The following LPO variants were observed in gnomAD, a reference collection of about 807,000 sequenced individuals.
LPO encodes the protein lactoperoxidase.
Under a neutral mutation model 68.4 loss-of-function variants are expected in LPO, and 70 were observed. The observed-to-expected ratio is 1.02, with a 90% CI of 0.84 to 1.25. LPO has a LOEUF of 1.25. Among genes scored for constraint, LPO ranks in the 50% most tolerant of loss-of-function variants. The probability of loss-of-function intolerance (pLI) is 0.00; values close to 1 mark genes in which losing one functional copy is unlikely to be tolerated. For missense variants in LPO, 873 were observed against 908.4 expected (o/e 0.96, Z 0.50); for synonymous variants, 360 against 357.6 (o/e 1.01, Z -0.08).
intron 3 of LPO, among the ~76,000 whole-genome samples, chr17:58,244,725 G>A (rs1226067036): frequency 2.6e-5 from 4 of 152,218 alleles, no homozygotes; most frequent in Non-Finnish European, 5.9e-5. Flanking sequence ...AGGTGTTGTG[G>A]CACACCTGTG....
At position 58,250,429 on chromosome 17, in the gene LPO, T is replaced by A; in HGVS notation, c.588T>A (p.Ser196=). ...GFPLPLAREV[S]NKIVGYLNEE... ...TCCATCTGTAGGCCCGGGAGGTATCTAACAAGATTGTTGGCTATCTGAATG... is the reference window on the plus strand; with the variant it reads ...TCCATCTGTAGGCCCGGGAGGTATCAAACAAGATTGTTGGCTATCTGAATG... Residue 196 remains serine, a synonymous_variant, in exon 7 of 13, where the codon TCT becomes TCA. Transcript: ENST00000262290. 2 of 1,614,172 alleles carry A rather than the reference T, an allele frequency of 1.2e-6. No homozygotes were observed. The highest frequency in any genetic ancestry group is 1.7e-6 in the Non-Finnish European group (2 of 1,180,008).
At chr17:58,244,413 T>C in intron 3 of LPO, 1 of 326,096 alleles carries the variant, frequency 3.1e-6, no homozygotes, top group Non-Finnish European at 5.7e-6. Context: ...AGTTCTTCAT[T>C]CATCCAGCTG....
At chr17:58,246,513 G>A (rs1213754353) in intron 3 of LPO, among the ~76,000 whole-genome samples, 1 of 152,144 alleles carries the variant, frequency 6.6e-6, no homozygotes, top group Non-Finnish European at 1.5e-5. Context: ...CCAGCCCCAG[G>A]GCAGAGCAGG....
intron 12 of LPO, 76 bp downstream of exon 12, chr17:58,267,662 G>A (rs878926956): frequency 1.4e-5 from 21 of 1,464,486 alleles, no homozygotes; most frequent in East Asian, 4.6e-5. Flanking sequence ...CTGCGTGAGC[G>A]CTGACTCCGG....
intron 9 of LPO, among the ~76,000 whole-genome samples, chr17:58,260,530 A>T (rs1262839991): frequency 6.6e-6 from 1 of 152,220 alleles, no homozygotes; most frequent in Non-Finnish European, 1.5e-5. Context: ...AATGTTTTGT[A>T]GTTGCCCTTT....
At chr17:58,249,857 C>T (rs1969925362) in intron 6 of LPO, among the ~76,000 whole-genome samples, 162 bp downstream of exon 6, 1 of 152,044 alleles carries the variant, frequency 6.6e-6, no homozygotes, top group South Asian at 2.1e-4. Flanking sequence ...CAGCAGAGCT[C>T]GGAGCCCGGA....
In LPO at chr17:58,268,078, T is replaced by G. The variant is rs1970310140; in HGVS notation, c.*84T>G. On this transcript the variant is annotated 3_prime_UTR_variant, in exon 13 of 13. Coordinates refer to ENST00000262290, the MANE Select transcript of LPO (RefSeq NM_006151.3). ...AATGACCTGGTCCCTTAGAGCTCCA[T>G]ATCCCAGTCCCAGCCCTTCTTTGCA... 20 of 1,375,388 alleles carry G rather than the reference T, an allele frequency of 1.5e-5. No homozygotes were observed. In the South Asian group the frequency reaches 2.3e-4, roughly 16 times the overall value. The allele number at this position is 1,375,388 out of a possible 1,614,324, so 85.2% of individuals were successfully genotyped here.
chr17:58,266,042 G>C, intron 10 of LPO, 111 bp from the exon 11 acceptor site: 1 of 1,027,854 alleles, frequency 9.7e-7, no homozygotes, highest in Non-Finnish European at 1.4e-6. Flanking sequence ...GGATGTCCAG[G>C]TGACCCACAT....
At chr17:58,266,701 C>G (rs1257610104) in intron 11 of LPO, among the ~76,000 whole-genome samples, 1 of 152,096 alleles carries the variant, frequency 6.6e-6, no homozygotes, top group African/African-American at 2.4e-5. Flanking sequence ...AAGCAATCTC[C>G]CACCTTGGCC....
At chr17:58,257,599 T>G (rs2143928222) in intron 9 of LPO, among the ~76,000 whole-genome samples, 1 of 152,358 alleles carries the variant, frequency 6.6e-6, no homozygotes, top group Non-Finnish European at 1.5e-5. Flanking sequence ...CTGTAACAAA[T>G]GTAAGAGTGC....
In LPO at chr17:58,244,088, G is replaced by T; in HGVS notation, c.164+7G>T. The T allele has an allele frequency of 6.9e-7, 1 of 1,454,502 alleles. No homozygotes were observed. 90.1% of individuals were successfully genotyped at this position (1,454,502 alleles called of 1,614,324 possible). ...TCCTGGACTCCCGAACCAGGTACGTGAGACACACACACACACACACACACA... is the reference window on the plus strand; with the variant it reads ...TCCTGGACTCCCGAACCAGGTACGTTAGACACACACACACACACACACACA... On this transcript the variant is annotated splice_region_variant and intron_variant, in intron 3 of 12. Coordinates refer to ENST00000262290, the MANE Select transcript of LPO (RefSeq NM_006151.3).
chr17:58,252,369 T>A lies in LPO; in HGVS notation c.968T>A (p.Leu323His). 6.2e-7 allele frequency: 1 copy of A among 1,614,058 alleles called. No homozygotes were observed. Among genetic ancestry groups the A allele is most frequent in the Non-Finnish European group, 8.5e-7 (1 of 1,180,000 alleles). Reference sequence around the variant, plus strand: ...AGCCTGGCCAGCCGCCTCCGCAACCTCAGCAGCCCCCTGGGCCTCATGGCT... The same window carrying A: ...AGCCTGGCCAGCCGCCTCCGCAACCACAGCAGCCCCCTGGGCCTCATGGCT... ...EPSLASRLRN[L>H]SSPLGLMAVN... The change falls in exon 8 of 13, where the codon CTC becomes CAC. Residue 323 changes from leucine to histidine, a missense_variant. Transcript: ENST00000262290.
chr17:58,251,946 T>C (rs1314709381), intron 7 of LPO: 1 of 734,688 alleles, frequency 1.4e-6, no homozygotes, highest in Non-Finnish European at 2.5e-6. Context: ...GAGCCCTCAC[T>C]GTGAGGACTG....
rs1269005269 is a variant in LPO at position 58,254,865 on chromosome 17, T to C, written c.1160T>C (p.Leu387Pro). Residue 387 changes from leucine to proline, a missense_variant, in exon 9 of 13, where the codon CTC (leucine) becomes CCC (proline). Transcript: ENST00000262290. Reference sequence around the variant, plus strand: ...CTGGCCACATCCCACACCCTCTTTCTCCGCGAGCATAACCGGCTGGCCAGA... The same window carrying C: ...CTGGCCACATCCCACACCCTCTTTCCCCGCGAGCATAACCGGCTGGCCAGA... Reference protein sequence around the residue: ...ILLATSHTLFLREHNRLAREL... With the variant: ...ILLATSHTLFPREHNRLAREL... 2.5e-6 allele frequency: 4 copies of C among 1,614,014 alleles called. No individual in the cohort carries two copies. In the South Asian group the frequency reaches 4.4e-5, roughly 18 times the overall value.
intron 9 of LPO, among the ~76,000 whole-genome samples, chr17:58,256,789 T>G (rs958553827): frequency 5.5e-5 from 8 of 144,174 alleles, no homozygotes; most frequent in African/African-American, 2.1e-4. Context: ...ATCACACCAC[T>G]GCACTCCAGC....
intron 3 of LPO, 37 bp downstream of exon 3, chr17:58,244,118 C>A: frequency 7.3e-7 from 1 of 1,374,482 alleles, no homozygotes; most frequent in South Asian, 1.2e-5. Context: ...CACACACACA[C>A]ACACACACAC....
chr17:58,257,819 TAA>T (rs897828048), intron 9 of LPO, among the ~76,000 whole-genome samples: 36 of 152,310 alleles, frequency 2.4e-4, no homozygotes, highest in African/African-American at 8.7e-4. Flanking sequence ...CTTTTTTATA[TAA>T]GTTATTTTAA....
intron 6 of LPO, among the ~76,000 whole-genome samples, chr17:58,250,010 G>A (rs1969928869): frequency 6.6e-6 from 1 of 152,146 alleles, no homozygotes; most frequent in Non-Finnish European, 1.5e-5. Context: ...TTTGCCTGGA[G>A]GTCCTATTTG....
intron 9 of LPO, among the ~76,000 whole-genome samples, chr17:58,263,545 C>T (rs1175880424): frequency 6.6e-6 from 1 of 152,138 alleles, no homozygotes; most frequent in Non-Finnish European, 1.5e-5. Flanking sequence ...TCAAGACCAG[C>T]TTGGCTAACA....
Sources: gnomAD v4.1 joint callset for allele counts (sites outside exome capture counted in the v4.1 genomes callset) on GRCh38, gnomAD v4.1.1 for gene constraint, MANE v1.5 for transcripts, NCBI Gene and HGNC (gene_info 2026-07-23, HGNC 2026-07-21) for gene names.